The following RBKS variants were observed in gnomAD, a reference collection of about 807,000 sequenced individuals.
RBKS encodes ribokinase.
A neutral mutation model predicts 33.9 loss-of-function variants in RBKS; 33 were observed. The ratio of observed to expected loss-of-function variants is 0.97; its 90% CI spans 0.74 to 1.30. The LOEUF (loss-of-function observed/expected upper bound fraction) is 1.30, where lower values mean the gene tolerates loss of function less well. Ranked by LOEUF, RBKS falls within the 50% of genes most tolerant of loss-of-function variation. The probability of loss-of-function intolerance (pLI) is 0.00; values close to 1 mark genes in which losing one functional copy is unlikely to be tolerated. For synonymous variants in RBKS, 125 were observed against 143.0 expected (o/e 0.87, Z 0.90); for missense variants, 361 against 392.6 (o/e 0.92, Z 0.68).
At chr2:27,785,199 G>GA (rs1178088322) in intron 7 of RBKS, among the ~76,000 whole-genome samples, 1 of 151,818 alleles carries the variant, frequency 6.6e-6, no homozygotes, top group East Asian at 1.9e-4. Flanking sequence ...AAAAAGACAT[G>GA]AAAAAAATAA....
intron 1 of RBKS, among the ~76,000 whole-genome samples, chr2:27,860,114 T>A (rs1439463531): frequency 6.6e-6 from 1 of 152,182 alleles, no homozygotes; most frequent in Non-Finnish European, 1.5e-5. Flanking sequence ...ATTTTTATCT[T>A]GGATTCTAAA....
chr2:27,885,156 T>C lies in RBKS; in HGVS notation c.89+5101A>G, dbSNP rs552246314. Among the ~76,000 whole-genome samples the C allele has an allele frequency of 3.3e-5, 5 of 152,274 alleles. No homozygotes were observed. The East Asian group carries it at 9.6e-4, about 29-fold the overall frequency. ...CCAACTTTCTCTGCATACAATCTTC[T>C]GCGTTTTCATAGAGGTCAACTTCCA... On this transcript the variant is annotated intron_variant, in intron 1 of 7. Coordinates refer to ENST00000302188, the MANE Select transcript of RBKS (RefSeq NM_022128.3).
intron 5 of RBKS, among the ~76,000 whole-genome samples, chr2:27,833,249 G>C (rs1298879296): frequency 6.6e-6 from 1 of 152,222 alleles, no homozygotes; most frequent in Non-Finnish European, 1.5e-5. Context: ...AATTCTCCCG[G>C]TGGGAACAGT....
chr2:27,786,715 A>G (rs1677409812), intron 7 of RBKS, among the ~76,000 whole-genome samples: 1 of 148,180 alleles, frequency 6.7e-6, no homozygotes, highest in Non-Finnish European at 1.5e-5. Flanking sequence ...CGGGAGGTGG[A>G]GGTTGCAGTG....
chr2:27,844,262 A>G (rs1308900561), intron 4 of RBKS, among the ~76,000 whole-genome samples: 1 of 127,692 alleles, frequency 7.8e-6, no homozygotes, highest in Non-Finnish European at 1.6e-5. Flanking sequence ...ACTCTGTCTC[A>G]GAAAAAAAAA....
At chr2:27,803,804 T>TG (rs1183995836) in intron 7 of RBKS, among the ~76,000 whole-genome samples, 1 of 152,106 alleles carries the variant, frequency 6.6e-6, no homozygotes, top group African/African-American at 2.4e-5. Context: ...CCCAGCACTT[T>TG]GGGAAGCCAA....
intron 1 of RBKS, among the ~76,000 whole-genome samples, chr2:27,876,625 A>C (rs1664321002): frequency 6.6e-6 from 1 of 152,144 alleles, no homozygotes; most frequent in Non-Finnish European, 1.5e-5. Flanking sequence ...ATTCATAGGG[A>C]TAGAAAGTAG....
chr2:27,866,017 G>T (rs1664092239), intron 1 of RBKS, among the ~76,000 whole-genome samples: 1 of 152,110 alleles, frequency 6.6e-6, no homozygotes, highest in South Asian at 2.1e-4. Flanking sequence ...ATTTCTGGGG[G>T]TCTTCATTCC....
chr2:27,785,623 C>T (rs943662485), intron 7 of RBKS, among the ~76,000 whole-genome samples: 7 of 151,866 alleles, frequency 4.6e-5, no homozygotes, highest in Non-Finnish European at 7.4e-5. Flanking sequence ...ACTAGCCGGG[C>T]GTAGTGGCAG....
chr2:27,874,448 C>A (rs1035249469), intron 1 of RBKS, among the ~76,000 whole-genome samples: 4 of 152,128 alleles, frequency 2.6e-5, no homozygotes, highest in Non-Finnish European at 5.9e-5. Context: ...CTGTCCTGGG[C>A]GGAACTCACA....
intron 7 of RBKS, among the ~76,000 whole-genome samples, chr2:27,794,448 CTTTCTT>C (rs944780189): frequency 6.6e-6 from 1 of 151,530 alleles, no homozygotes; most frequent in African/African-American, 2.4e-5. Flanking sequence ...TGATTTCTCT[CTTTCTT>C]TTTAATTAAG....
chr2:27,801,964 ATAT>A (rs1291495027), intron 7 of RBKS, among the ~76,000 whole-genome samples: 569 of 48,480 alleles, frequency 0.012, 6 homozygotes, highest in African/African-American at 0.029. Context: ...AAAAAAAAAA[ATAT>A]ATATATATAT....
intron 7 of RBKS, among the ~76,000 whole-genome samples, chr2:27,801,468 C>T (rs920708157): frequency 3.9e-5 from 5 of 128,238 alleles, no homozygotes; most frequent in African/African-American, 1.9e-4. Context: ...ACAGTATACA[C>T]ACACACACAC....
intron 7 of RBKS, among the ~76,000 whole-genome samples, chr2:27,804,718 A>G (rs764480427): frequency 6.6e-6 from 1 of 152,170 alleles, no homozygotes; most frequent in Non-Finnish European, 1.5e-5. Flanking sequence ...AAAGTTTTCA[A>G]ATTAAATTAT....
Position 27,794,305 on chromosome 2 carries a change from AAATAATAATAATAATAAT to A in RBKS, c.796-12535_796-12518del, listed in dbSNP as rs70953884. 5.0e-3 allele frequency among the ~76,000 whole-genome samples: 686 copies of A among 137,734 alleles called. 7 individuals carry two copies. Among genetic ancestry groups the A allele is most frequent in the Non-Finnish European group, 7.6e-3 (491 of 64,802 alleles). 90.4% of individuals were successfully genotyped at this position (137,734 alleles called of 152,430 possible). ...AGAGCGAAACTCCATCCCCCCCACA[AAATAATAATAATAATAAT>A]AATAATAATAATAATAATAATAATA... On this transcript the variant is annotated intron_variant, in intron 7 of 7. Transcript: ENST00000302188.
At chr2:27,845,527 G>GAACAACAACAACAAC (rs5830051) in intron 4 of RBKS, among the ~76,000 whole-genome samples, 18 of 151,238 alleles carry the variant, frequency 1.2e-4, no homozygotes, top group African/African-American at 4.4e-4. Context: ...GATAGTCCTA[G>GAACAACAACAACAAC]AACAACAACA....
chr2:27,789,895 TATA>T (rs1677476068), intron 7 of RBKS, among the ~76,000 whole-genome samples: 1 of 142,214 alleles, frequency 7.0e-6, no homozygotes, highest in Non-Finnish European at 1.5e-5. Context: ...TGTGTGTGTG[TATA>T]GAGTGTGTGT....
At chr2:27,878,143 T>C (rs982973244) in intron 1 of RBKS, among the ~76,000 whole-genome samples, 20 of 152,042 alleles carry the variant, frequency 1.3e-4, no homozygotes, top group African/African-American at 4.6e-4. Context: ...AACTCGTCAT[T>C]TAGCATTAGG....
intron 7 of RBKS, among the ~76,000 whole-genome samples, chr2:27,786,812 A>G (rs184840997): frequency 6.6e-6 from 1 of 151,758 alleles, no homozygotes; most frequent in Admixed American, 6.6e-5. Context: ...AAGTTTAAAA[A>G]ATATTGTACC....
Sources: gnomAD v4.1 joint callset for allele counts (sites outside exome capture counted in the v4.1 genomes callset) on GRCh38, gnomAD v4.1.1 for gene constraint, MANE v1.5 for transcripts, NCBI Gene and HGNC (gene_info 2026-07-23, HGNC 2026-07-21) for gene names.